Variants in CEACAM18 observed in about 807,000 individuals in gnomAD.
The protein encoded by CEACAM18 is cell adhesion molecule CEACAM18.
In CEACAM18, 33 loss-of-function variants were observed where a neutral mutation model predicts 34.3. The ratio of observed to expected loss-of-function variants is 0.96; its 90% CI spans 0.73 to 1.29. CEACAM18 has a LOEUF of 1.29. Ranked by LOEUF, CEACAM18 falls within the 50% of genes most tolerant of loss-of-function variation. CEACAM18 has a pLI of 0.00. For synonymous variants in CEACAM18, 169 were observed against 180.9 expected (o/e 0.93, Z 0.53); for missense variants, 474 against 485.0 (o/e 0.98, Z 0.21).
rs773327710 is a variant in CEACAM18, at chr19:51,481,392, G to C, written c.401-1G>C. The C allele has an allele frequency of 1.2e-6, 2 of 1,613,440 alleles. No homozygotes were observed. Among genetic ancestry groups the C allele is most frequent in the Non-Finnish European group, 1.7e-6 (2 of 1,179,524 alleles). ...TTTTTTCTCTTTCCTGCTTCACCCA[G>C]AGTTGGGAAGCAATCTGGGCATCTC... On this transcript the variant is annotated splice_acceptor_variant, in intron 2 of 5. Transcript: ENST00000396477. LOFTEE classifies it high-confidence loss of function.
At chr19:51,479,736 G>A (rs556597753) in intron 1 of CEACAM18, among the ~76,000 whole-genome samples, 1 of 152,324 alleles carries the variant, frequency 6.6e-6, no homozygotes, top group African/African-American at 2.4e-5. Context: ...AGTCCCTGCC[G>A]GGAATGGGGA....
rs61746192 is a variant in CEACAM18 at position 51,483,163 on chromosome 19, C to T, written c.820C>T (p.Leu274=). ...CCACTGGATCCACAATGGCTCCCTC[C>T]TGAACTTCTCAGATGCAAAGATGAA... The change falls in exon 4 of 6, where the codon CTG becomes TTG. Residue 274 remains leucine, a synonymous_variant. Coordinates refer to ENST00000396477, the Ensembl canonical transcript of CEACAM18. 615 of 1,614,004 alleles carry T rather than the reference C, an allele frequency of 3.8e-4. 2 individuals are homozygous for T. In the African/African-American group the frequency reaches 6.9e-3, roughly 18 times the overall value.
At chr19:51,479,813 G>C (rs1431026244) in intron 1 of CEACAM18, among the ~76,000 whole-genome samples, 5 of 152,156 alleles carry the variant, frequency 3.3e-5, no homozygotes, top group African/African-American at 7.2e-5. Flanking sequence ...TAGAGGCCTG[G>C]GGCATACAGC....
At chr19:51,491,225 T>TTTC (rs1990090697), downstream of CEACAM18, 1 of 159,540 alleles carries the variant, frequency 6.3e-6, no homozygotes, top group South Asian at 1.9e-4. Context: ...TTTTTTTTTT[T>TTTC]TGGTGACAAC....
chr19:51,481,202 G>T (rs1256136685), intron 2 of CEACAM18, among the ~76,000 whole-genome samples, 191 bp from the exon 3 acceptor site: 1 of 152,172 alleles, frequency 6.6e-6, no homozygotes, highest in Non-Finnish European at 1.5e-5. Flanking sequence ...GCTCAGGCAA[G>T]GCCCACACCT....
intron 5 of CEACAM18, among the ~76,000 whole-genome samples, chr19:51,490,279 C>T (rs1461555138): frequency 6.6e-6 from 1 of 152,194 alleles, no homozygotes; most frequent in African/African-American, 2.4e-5. Flanking sequence ...TTACCTCCAT[C>T]ATTGTTGTGA....
At chr19:51,487,269 G>T (rs1322348774) in intron 5 of CEACAM18, among the ~76,000 whole-genome samples, 2 of 152,112 alleles carry the variant, frequency 1.3e-5, no homozygotes, top group African/African-American at 4.8e-5. Context: ...GAGCCCAGGA[G>T]TTCAAGACCA....
rs572936873 is a variant in CEACAM18 at position 51,481,436 on chromosome 19, G to C, written c.444G>C (p.Leu148=). Residue 148 remains leucine (L), a synonymous_variant, in exon 3 of 6, where the codon CTG becomes CTC. Coordinates refer to ENST00000396477, the Ensembl canonical transcript of CEACAM18. ...GCATCTCCGTCAATGCCAGCTCCCT[G>C]GTGGAGAACATGGATTCTGTGGCTG... 7.4e-6 allele frequency: 12 copies of C among 1,613,946 alleles called. No individual in the cohort carries two copies. The South Asian group carries it at 9.9e-5, about 13-fold the overall frequency.
At chr19:51,483,332 A>G (rs943584856) in intron 4 of CEACAM18, 36 bp downstream of exon 4, 1 of 1,612,358 alleles carries the variant, frequency 6.2e-7, no homozygotes, top group East Asian at 2.2e-5. Flanking sequence ...TGCTTTGCAC[A>G]TCTCCCTGCC....
rs1160519268 is a variant in CEACAM18 at position 51,480,621 on chromosome 19, C to T, written c.341C>T (p.Thr114Ile). 3 of 1,613,860 alleles carry T rather than the reference C, an allele frequency of 1.9e-6. No homozygotes were observed. In the Admixed American group the frequency reaches 5.0e-5, roughly 27 times the overall value. ...GCATTAAATGACACGGGAAACTACA[C>T]TGTTCGGGTGGTTGCAGGCAATGAG... Residue 114 changes from threonine to isoleucine, a missense_variant, in exon 2 of 6, where the codon ACT (threonine) becomes ATT (isoleucine). Transcript: ENST00000396477.
At chr19:51,482,969 G>A (rs764646211) in intron 3 of CEACAM18, 48 bp from the exon 4 acceptor site, 87 of 1,591,806 alleles carry the variant, frequency 5.5e-5, no homozygotes, top group Non-Finnish European at 6.3e-5. Flanking sequence ...GAGACGGGAC[G>A]CCGAGGGGTC....
intron 1 of CEACAM18, 90 bp downstream of exon 1, chr19:51,478,784 C>G (rs1056308377): frequency 1.1e-6 from 1 of 929,544 alleles, no homozygotes; most frequent in East Asian, 3.2e-5. Context: ...GGGACCATCC[C>G]CATCCACGGG....
chr19:51,481,425 G>A (rs1281695431), exon 3 of CEACAM18: 1 of 1,613,984 alleles, frequency 6.2e-7, no homozygotes, highest in Admixed American at 1.7e-5. Context: ...CTCCGTCAAT[G>A]CCAGCTCCCT....
intron 5 of CEACAM18, among the ~76,000 whole-genome samples, chr19:51,486,028 C>A (rs1445280620): frequency 3.3e-5 from 5 of 151,898 alleles, no homozygotes; most frequent in Admixed American, 1.3e-4. Context: ...ATAATGGTAC[C>A]AATGGTGATG....
At position 51,478,947 on chromosome 19, in the gene CEACAM18, C is replaced by T. The variant is rs559850048; in HGVS notation, c.52+253C>T. On this transcript the variant is annotated intron_variant, in intron 1 of 5. Coordinates refer to ENST00000396477, the Ensembl canonical transcript of CEACAM18. Reference sequence around the variant, plus strand: ...ATGTGGTGTTACACACACACGCACACGCACATGCACACACACACACGCGCG... The same window carrying T: ...ATGTGGTGTTACACACACACGCACATGCACATGCACACACACACACGCGCG... Among the ~76,000 whole-genome samples the T allele has an allele frequency of 3.2e-4, 45 of 139,120 alleles. No homozygotes were observed. The South Asian group carries it at 0.01, about 32-fold the overall frequency. The allele number at this position is 139,120 out of a possible 152,430, so 91.3% of individuals were successfully genotyped here.
chr19:51,487,337 T>C (rs1270933918), intron 5 of CEACAM18, among the ~76,000 whole-genome samples: 1 of 150,440 alleles, frequency 6.6e-6, no homozygotes, highest in Non-Finnish European at 1.5e-5. Flanking sequence ...TAGCCTGGAG[T>C]GGTGGAGTGC....
intron 5 of CEACAM18, among the ~76,000 whole-genome samples, chr19:51,489,197 A>T (rs950536172): frequency 1.4e-5 from 2 of 147,444 alleles, no homozygotes; most frequent in African/African-American, 5.0e-5. Flanking sequence ...GATTAGGTTG[A>T]CATTAAGTCA....
rs144361222 is a variant in CEACAM18 at position 51,485,003 on chromosome 19, C to T, written c.970C>T (p.Pro324Ser). 1,533 of 1,536,120 alleles carry T rather than the reference C, an allele frequency of 1.0e-3. 9 individuals are homozygous for T. The Middle Eastern group carries it at 0.017, about 17-fold the overall frequency. Residue 324 changes from proline to serine, a missense_variant, in exon 5 of 6, where the codon CCA (proline) becomes TCA (serine). Coordinates refer to ENST00000396477, the Ensembl canonical transcript of CEACAM18. ...TTCCTTCAGGGATCTTACCTGTTGT[C>T]CACAGAGATTTCTCCATCTCAGGAT...
chr19:51,483,326 T>C (rs1160950052), intron 4 of CEACAM18, 30 bp downstream of exon 4: 18 of 1,612,776 alleles, frequency 1.1e-5, no homozygotes, highest in African/African-American at 2.7e-5. Flanking sequence ...GGCTCATGCT[T>C]TGCACATCTC....
Sources: gnomAD v4.1 joint callset for allele counts (sites outside exome capture counted in the v4.1 genomes callset) on GRCh38, gnomAD v4.1.1 for gene constraint, MANE v1.5 for transcripts, NCBI Gene and HGNC (gene_info 2026-07-23, HGNC 2026-07-21) for gene names.